Variants in MEMO1 observed in about 807,000 individuals in gnomAD.
The protein encoded by MEMO1 is mediator of cell motility 1, also known as protein MEMO1.
In MEMO1, 6 loss-of-function variants were observed where a neutral mutation model predicts 45.2. That is an observed-to-expected ratio of 0.13 (90% CI 0.07 to 0.26). MEMO1 has a LOEUF of 0.26. Among genes scored for constraint, MEMO1 ranks in the 10% least tolerant of loss-of-function variants. The pLI is 1.00. For synonymous variants in MEMO1, 78 were observed against 124.3 expected (o/e 0.63, Z 2.48); for missense variants, 184 against 370.5 (o/e 0.50, Z 4.13).
intron 9 of MEMO1, 97 bp downstream of exon 9, chr2:31,869,751 G>A: frequency 7.6e-7 from 1 of 1,315,840 alleles, no homozygotes; most frequent in Non-Finnish European, 1.0e-6. Flanking sequence ...TTGACCATAG[G>A]TACATAAAAC....
intron 7 of MEMO1, among the ~76,000 whole-genome samples, chr2:31,885,848 C>A (rs1676115310): frequency 6.6e-6 from 1 of 152,204 alleles, no homozygotes; most frequent in South Asian, 2.1e-4. Flanking sequence ...ACTCAAAAGT[C>A]TTTTCTGCTT....
At chr2:32,007,160 G>A (rs191088711) in intron 2 of MEMO1, among the ~76,000 whole-genome samples, 1 of 152,158 alleles carries the variant, frequency 6.6e-6, no homozygotes, top group East Asian at 1.9e-4. Context: ...TACTACTCCA[G>A]GCTCATGAAC....
At chr2:31,976,138 G>C (rs1031036171) in intron 2 of MEMO1, among the ~76,000 whole-genome samples, 2 of 152,152 alleles carry the variant, frequency 1.3e-5, no homozygotes, top group African/African-American at 4.8e-5. Context: ...AAAAGATAAA[G>C]TATCAAATGG....
chr2:31,917,345 C>T (rs900755562), intron 6 of MEMO1, among the ~76,000 whole-genome samples: 1 of 152,102 alleles, frequency 6.6e-6, no homozygotes, highest in Admixed American at 6.6e-5. Context: ...TACATAATAA[C>T]TACTATGTGC....
At chr2:31,926,863 T>TAAACA (rs761064758) in intron 4 of MEMO1, among the ~76,000 whole-genome samples, 4 of 147,780 alleles carry the variant, frequency 2.7e-5, no homozygotes, top group African/African-American at 5.0e-5. Flanking sequence ...AAAAGAAAAA[T>TAAACA]AAACAAAACA....
At chr2:31,991,563 C>T (rs1671952843) in intron 2 of MEMO1, among the ~76,000 whole-genome samples, 1 of 69,656 alleles carries the variant, frequency 1.4e-5, no homozygotes, top group Non-Finnish European at 2.8e-5. Context: ...AAGAGCAAAA[C>T]TCCGACTCAA....
At chr2:31,900,778 A>G (rs981263811) in intron 6 of MEMO1, among the ~76,000 whole-genome samples, 4 of 152,240 alleles carry the variant, frequency 2.6e-5, no homozygotes, top group African/African-American at 7.2e-5. Flanking sequence ...CAGAATGGCT[A>G]TAATCAAAAA....
At chr2:31,950,974 T>A (rs1485904714) in intron 2 of MEMO1, among the ~76,000 whole-genome samples, 2 of 152,230 alleles carry the variant, frequency 1.3e-5, no homozygotes. Flanking sequence ...TGATTCAACA[T>A]TTTTTTAAAG....
chr2:31,880,645 A>G (rs1289176146), intron 8 of MEMO1, among the ~76,000 whole-genome samples: 2 of 152,348 alleles, frequency 1.3e-5, no homozygotes, highest in East Asian at 3.9e-4. Flanking sequence ...AAGACAATTT[A>G]GAGACCATTT....
intron 6 of MEMO1, among the ~76,000 whole-genome samples, chr2:31,899,428 A>G (rs1678429773): frequency 6.6e-6 from 1 of 152,210 alleles, no homozygotes; most frequent in Admixed American, 6.5e-5. Flanking sequence ...AAAACAAGCA[A>G]TGGGGAAATG....
intron 2 of MEMO1, among the ~76,000 whole-genome samples, chr2:31,959,392 A>G (rs1198985737): frequency 6.6e-6 from 1 of 152,182 alleles, no homozygotes; most frequent in Non-Finnish European, 1.5e-5. Context: ...AAAGAGGTGC[A>G]GCTCAAGAGA....
chr2:31,913,102 T>C (rs1326747159), intron 6 of MEMO1, among the ~76,000 whole-genome samples: 1 of 151,530 alleles, frequency 6.6e-6, no homozygotes, highest in Admixed American at 6.6e-5. Context: ...CAAGGTCTAC[T>C]AAAAATACAA....
At chr2:31,941,852 T>C (rs546287923) in intron 3 of MEMO1, among the ~76,000 whole-genome samples, 1 of 152,360 alleles carries the variant, frequency 6.6e-6, no homozygotes, top group Non-Finnish European at 1.5e-5. Context: ...ATATTTGGTA[T>C]ATAAAATGCC....
At chr2:31,993,765 G>A (rs888096226) in intron 2 of MEMO1, among the ~76,000 whole-genome samples, 1 of 152,044 alleles carries the variant, frequency 6.6e-6, no homozygotes. Context: ...ATACCTCACT[G>A]ATTATATGGC....
chr2:32,003,643 G>A (rs1483041696), intron 2 of MEMO1, among the ~76,000 whole-genome samples: 1 of 152,136 alleles, frequency 6.6e-6, no homozygotes, highest in Non-Finnish European at 1.5e-5. Context: ...GATAAAAAGA[G>A]AAAGCTCTTA....
chr2:31,971,009 A>T (rs1474483057), intron 2 of MEMO1, among the ~76,000 whole-genome samples: 2 of 152,128 alleles, frequency 1.3e-5, no homozygotes, highest in East Asian at 3.8e-4. Flanking sequence ...ATCTCAAAAT[A>T]AAACAAAGAT....
intron 3 of MEMO1, among the ~76,000 whole-genome samples, chr2:31,942,315 T>C (rs984153570): frequency 6.6e-6 from 1 of 152,224 alleles, no homozygotes; most frequent in Non-Finnish European, 1.5e-5. Context: ...TATATCTTTT[T>C]CATTATAAAT....
intron 7 of MEMO1, among the ~76,000 whole-genome samples, chr2:31,888,480 T>C (rs1384726356): frequency 6.6e-6 from 1 of 151,950 alleles, no homozygotes; most frequent in East Asian, 1.9e-4. Context: ...AAACTGAAAC[T>C]TGAGAAAACA....
At chr2:31,956,455 G>T (rs1046419491) in intron 2 of MEMO1, among the ~76,000 whole-genome samples, 1 of 152,020 alleles carries the variant, frequency 6.6e-6, no homozygotes, top group Admixed American at 6.6e-5. Flanking sequence ...ACCCTATTCA[G>T]TGTGATACTG....
Sources: gnomAD v4.1 joint callset for allele counts (sites outside exome capture counted in the v4.1 genomes callset) on GRCh38, gnomAD v4.1.1 for gene constraint, MANE v1.5 for transcripts, NCBI Gene and HGNC (gene_info 2026-07-23, HGNC 2026-07-21) for gene names.